Variants in FAM135B observed in about 807,000 individuals in gnomAD.
FAM135B encodes family with sequence similarity 135 member B.
In FAM135B, 43 loss-of-function variants were observed where a neutral mutation model predicts 127.7. The ratio of observed to expected loss-of-function variants is 0.34; its 90% CI spans 0.26 to 0.43. FAM135B has a LOEUF of 0.43. FAM135B is among the 20% of genes least tolerant of loss of function. The pLI is 1.00. For synonymous variants in FAM135B, 670 were observed against 665.1 expected (o/e 1.01, Z -0.11); for missense variants, 1,558 against 1,725.6 (o/e 0.90, Z 1.72).
intron 3 of FAM135B, among the ~76,000 whole-genome samples, chr8:138,310,004 G>T (rs1056492208): frequency 1.3e-5 from 2 of 151,824 alleles, no homozygotes; most frequent in Non-Finnish European, 2.9e-5. Context: ...TGGGTACTGA[G>T]ATTGCAGGCG....
At chr8:138,389,986 A>C (rs1195929556) in intron 1 of FAM135B, among the ~76,000 whole-genome samples, 3 of 152,182 alleles carry the variant, frequency 2.0e-5, no homozygotes, top group African/African-American at 7.2e-5. Flanking sequence ...CTTAATCATT[A>C]CATGTGTATG....
chr8:138,177,928 C>T (rs975639166), intron 10 of FAM135B, among the ~76,000 whole-genome samples: 1 of 152,216 alleles, frequency 6.6e-6, no homozygotes, highest in Non-Finnish European at 1.5e-5. Flanking sequence ...GAGAAACACA[C>T]AGAGAGCAAT....
At chr8:138,473,884 C>T (rs574655604) in intron 1 of FAM135B, among the ~76,000 whole-genome samples, 14 of 152,062 alleles carry the variant, frequency 9.2e-5, no homozygotes, top group South Asian at 6.2e-4. Context: ...TGTTTTAATT[C>T]AGTCCAAGCA....
In FAM135B at chr8:138,468,199, CAT is replaced by C. The variant is rs552088641; in HGVS notation, c.-20+28470_-20+28471del. Among the ~76,000 whole-genome samples, 291 of 152,306 alleles carry C rather than the reference CAT, an allele frequency of 1.9e-3. 1 individual carries two copies. Among genetic ancestry groups the C allele is most frequent in the African/African-American group, 6.1e-3 (252 of 41,562 alleles). Reference sequence around the variant, plus strand: ...TCTCTATGGAATTTACAGAGCCTGACATGTGTCAAAACTCCAAGGCAATTTGT... The same window carrying C: ...TCTCTATGGAATTTACAGAGCCTGACGTGTCAAAACTCCAAGGCAATTTGT... On this transcript the variant is annotated intron_variant, in intron 1 of 19. Coordinates refer to ENST00000395297, the MANE Select transcript of FAM135B (RefSeq NM_015912.4).
rs1818125981 is a variant in FAM135B at position 138,151,362 on chromosome 8, G to C, written c.3113C>G (p.Thr1038Ser). 1 of 1,613,828 alleles carries C rather than the reference G, an allele frequency of 6.2e-7. No individual in the cohort carries two copies. Among genetic ancestry groups the C allele is most frequent in the Non-Finnish European group, 8.5e-7 (1 of 1,179,888 alleles). ...VEVVNLSVSC[T>S]ATCLPFSSVP... ...AGATGAGAAAGGGAGACAGGTGGCA[G>C]TGCAAGACACAGATAAGTTCACAAC... Residue 1038 changes from threonine (T) to serine (S), a missense_variant, in exon 13 of 20, where the codon ACT (threonine) becomes AGT (serine). Thr to Ser is a moderately conservative substitution (Grantham distance 58, BLOSUM62 1). Coordinates refer to ENST00000395297, the MANE Select transcript of FAM135B (RefSeq NM_015912.4).
At chr8:138,201,474 A>G (rs1297372337) in intron 7 of FAM135B, among the ~76,000 whole-genome samples, 1 of 152,170 alleles carries the variant, frequency 6.6e-6, no homozygotes, top group African/African-American at 2.4e-5. Flanking sequence ...TTATAAACTA[A>G]ACAAAACAAA....
chr8:138,266,671 T>C (rs1020104130), intron 3 of FAM135B, among the ~76,000 whole-genome samples: 1 of 149,118 alleles, frequency 6.7e-6, no homozygotes, highest in Non-Finnish European at 1.5e-5. Context: ...TATTCTAAAA[T>C]AAATAGCACT....
intron 2 of FAM135B, among the ~76,000 whole-genome samples, chr8:138,347,066 T>C (rs190537175): frequency 6.6e-5 from 10 of 152,004 alleles, no homozygotes; most frequent in African/African-American, 2.4e-4. Flanking sequence ...AATAAATACA[T>C]GAACAAAAGG....
At chr8:138,375,467 T>C (rs1831411671) in intron 1 of FAM135B, among the ~76,000 whole-genome samples, 1 of 152,068 alleles carries the variant, frequency 6.6e-6, no homozygotes, top group Non-Finnish European at 1.5e-5. Context: ...TGTTACAATC[T>C]ACCTAAAGTT....
chr8:138,283,762 C>G (rs1824459614), intron 3 of FAM135B, among the ~76,000 whole-genome samples: 1 of 152,066 alleles, frequency 6.6e-6, no homozygotes, highest in Non-Finnish European at 1.5e-5. Flanking sequence ...ATCAGTTGCA[C>G]AGACACACCA....
At chr8:138,426,081 AAT>A (rs1491563739) in intron 1 of FAM135B, among the ~76,000 whole-genome samples, 1 of 133,188 alleles carries the variant, frequency 7.5e-6, no homozygotes, top group Non-Finnish European at 1.6e-5. Context: ...ACATATATAA[AAT>A]GTTTTATGTA....
At chr8:138,161,371 CT>C (rs534656758) in intron 12 of FAM135B, among the ~76,000 whole-genome samples, 355 of 148,426 alleles carry the variant, frequency 2.4e-3, no homozygotes, top group African/African-American at 8.7e-3. Context: ...CTTTCTCTTT[CT>C]CTCTGCCTCC....
At chr8:138,150,081 A>G (rs903524339) in intron 13 of FAM135B, among the ~76,000 whole-genome samples, 5 of 152,212 alleles carry the variant, frequency 3.3e-5, no homozygotes, top group Admixed American at 6.5e-5. Flanking sequence ...GCATTTTGCA[A>G]AAGGGTAAAG....
chr8:138,166,370 G>C (rs16908403), intron 12 of FAM135B, among the ~76,000 whole-genome samples: 10,152 of 152,244 alleles, frequency 0.067, 601 homozygotes, highest in East Asian at 0.16. Context: ...AACAAACTCT[G>C]TGTGAAAGCA....
intron 1 of FAM135B, among the ~76,000 whole-genome samples, chr8:138,454,297 T>A (rs764015309): frequency 6.6e-6 from 1 of 152,166 alleles, no homozygotes; most frequent in Non-Finnish European, 1.5e-5. Flanking sequence ...AGTGGATGAC[T>A]GGAACACAGC....
chr8:138,138,883 C>T, intron 18 of FAM135B, 103 bp downstream of exon 18: 1 of 775,716 alleles, frequency 1.3e-6, no homozygotes. Context: ...CCTGACTAGG[C>T]CCTTCTGTGA....
intron 1 of FAM135B, among the ~76,000 whole-genome samples, chr8:138,418,949 G>T (rs1834330644): frequency 6.9e-6 from 1 of 145,470 alleles, no homozygotes; most frequent in Non-Finnish European, 1.5e-5. Flanking sequence ...ACACAATAAA[G>T]TCTACATAAT....
chr8:138,347,880 C>T (rs913665703), intron 2 of FAM135B, among the ~76,000 whole-genome samples: 4 of 151,948 alleles, frequency 2.6e-5, no homozygotes, highest in South Asian at 2.1e-4. Flanking sequence ...ACCTACAAAA[C>T]GGAGGTAGAA....
chr8:138,475,243 C>A (rs1814351342), intron 1 of FAM135B, among the ~76,000 whole-genome samples: 1 of 152,144 alleles, frequency 6.6e-6, no homozygotes, highest in Non-Finnish European at 1.5e-5. Flanking sequence ...TGACCCCTTG[C>A]AAGTTGGTTT....
Sources: gnomAD v4.1 joint callset for allele counts (sites outside exome capture counted in the v4.1 genomes callset) on GRCh38, gnomAD v4.1.1 for gene constraint, MANE v1.5 for transcripts, NCBI Gene and HGNC (gene_info 2026-07-23, HGNC 2026-07-21) for gene names.